C1QTNF1: variants seen among roughly 807,000 people sequenced by gnomAD.
C1QTNF1 encodes the protein C1q and TNF related 1, also known as complement C1q tumor necrosis factor-related protein 1.
Under a neutral mutation model 27.8 loss-of-function variants are expected in C1QTNF1, and 22 were observed. That is an observed-to-expected ratio of 0.79 (90% CI 0.56 to 1.13). C1QTNF1 has a LOEUF of 1.13. Among genes scored for constraint, C1QTNF1 ranks in the 50% most tolerant of loss-of-function variants. C1QTNF1 has a pLI of 0.00. For missense variants in C1QTNF1, 373 were observed against 380.2 expected (o/e 0.98, Z 0.16); for synonymous variants, 166 against 154.3 (o/e 1.08, Z -0.56).
rs1012355361 is a variant in C1QTNF1 at position 79,049,348 on chromosome 17, T to C, written c.*1260T>C. 2.6e-5 allele frequency: 4 copies of C among 152,330 alleles called. No homozygotes were observed. Among genetic ancestry groups the C allele is most frequent in the African/African-American group, 7.2e-5 (3 of 41,440 alleles). The allele number at this position is 152,330 out of a possible 1,614,324, so 9.4% of individuals were successfully genotyped here. On this transcript the variant is annotated 3_prime_UTR_variant, in exon 4 of 4. Coordinates refer to ENST00000579760, the MANE Select transcript of C1QTNF1 (RefSeq NM_030968.5). This position sits in a 1 kb window ranked among gnomAD's most constrained non-coding sequence, Gnocchi z 4.4. Reference sequence around the variant, plus strand: ...CAATCACCCGTGTCAGGATTCACTCTCAGGAGCTGGGTGGCAGGAGAGGCA... The same window carrying C: ...CAATCACCCGTGTCAGGATTCACTCCCAGGAGCTGGGTGGCAGGAGAGGCA...
rs996148078 is a variant in C1QTNF1 at position 79,046,813 on chromosome 17, G to A, written c.295+119G>A. 5.3e-6 allele frequency: 7 copies of A among 1,332,916 alleles called. No individual in the cohort carries two copies. The African/African-American group carries it at 7.3e-5, about 14-fold the overall frequency. 82.6% of individuals were successfully genotyped at this position (1,332,916 alleles called of 1,614,324 possible). On this transcript the variant is annotated intron_variant, in intron 3 of 3. Transcript: ENST00000579760. The surrounding 1 kb of genome is among the most constrained non-coding windows in gnomAD (Gnocchi z 4.8). ...AGCAGAATGGCTCCCTCGGGACAGGGAGCAGAGGCAGGCAGGCTGTCATCT... is the reference window on the plus strand; with the variant it reads ...AGCAGAATGGCTCCCTCGGGACAGGAAGCAGAGGCAGGCAGGCTGTCATCT...
upstream of C1QTNF1, among the ~76,000 whole-genome samples, chr17:79,023,417 C>A (rs1375381148): frequency 1.3e-5 from 2 of 152,202 alleles, no homozygotes; most frequent in African/African-American, 4.8e-5. Context: ...GGCTCTGGAG[C>A]AGCCTGGATC....
At chr17:79,036,353 T>A (rs1431205024) in intron 1 of C1QTNF1, among the ~76,000 whole-genome samples, 4 of 152,150 alleles carry the variant, frequency 2.6e-5, no homozygotes, top group African/African-American at 9.7e-5. Context: ...CTTTGCATTT[T>A]TTGTAGAGAT....
At chr17:79,039,474 G>A (rs1275902517) in intron 1 of C1QTNF1, among the ~76,000 whole-genome samples, 2 of 152,128 alleles carry the variant, frequency 1.3e-5, no homozygotes, top group Non-Finnish European at 2.9e-5. Context: ...CCAACATGGC[G>A]AAACCCTGTC....
intron 1 of C1QTNF1, among the ~76,000 whole-genome samples, chr17:79,042,995 T>A (rs1159306946): frequency 6.6e-6 from 1 of 151,880 alleles, no homozygotes; most frequent in Non-Finnish European, 1.5e-5. Context: ...CATGTGTGGA[T>A]TGCATGTATG....
chr17:79,025,845 C>T (rs2071938034), intron 1 of C1QTNF1: 1 of 408,458 alleles, frequency 2.4e-6, no homozygotes, highest in Non-Finnish European at 5.0e-6. Context: ...TGGAGAGGCC[C>T]CTAGAGTCCA....
intron 1 of C1QTNF1, among the ~76,000 whole-genome samples, chr17:79,028,424 CT>C (rs1337216667): frequency 6.6e-6 from 1 of 152,204 alleles, no homozygotes; most frequent in Admixed American, 6.5e-5. Flanking sequence ...GCAGGGCCCC[CT>C]GACTCTGCCC....
intron 1 of C1QTNF1, among the ~76,000 whole-genome samples, chr17:79,030,485 T>TTTTCTTTTTCTTTC (rs1555670013): frequency 4.9e-5 from 6 of 121,870 alleles, no homozygotes; most frequent in Admixed American, 8.1e-5. Flanking sequence ...CTTTCTTTCT[T>TTTTCTTTTTCTTTC]TTTCTTTCTT....
intron 1 of C1QTNF1, among the ~76,000 whole-genome samples, chr17:79,033,068 C>CAAAA (rs58305899): frequency 1.3e-5 from 1 of 79,322 alleles, no homozygotes; most frequent in African/African-American, 3.8e-5. Context: ...AACTCTGTCT[C>CAAAA]AAAAAAAAAA....
chr17:79,025,892 CA>C, intron 1 of C1QTNF1: 3 of 430,134 alleles, frequency 7.0e-6, no homozygotes, highest in Non-Finnish European at 1.4e-5. Context: ...TCACCATCAT[CA>C]TCATCATCAC....
intron 1 of C1QTNF1, among the ~76,000 whole-genome samples, chr17:79,041,090 G>A (rs1238088670): frequency 2.6e-5 from 4 of 152,192 alleles, no homozygotes; most frequent in Non-Finnish European, 5.9e-5. Flanking sequence ...ACTTAGATGT[G>A]TATTTTATAA....
chr17:79,023,693 T>TGC (rs143597397), upstream of C1QTNF1, among the ~76,000 whole-genome samples: 4,688 of 136,106 alleles, frequency 0.034, 108 homozygotes, highest in Middle Eastern at 0.056. Context: ...CCAAAGGTGA[T>TGC]GCGCGCGCGC....
intron 1 of C1QTNF1, 91 bp from the exon 2 acceptor site, chr17:79,043,864 C>G (rs922697159): frequency 6.9e-7 from 1 of 1,443,442 alleles, no homozygotes; most frequent in African/African-American, 1.4e-5. Flanking sequence ...CCTCCGATTT[C>G]CAGGCTGTTT....
At chr17:79,045,797 T>A (rs944876619) in intron 2 of C1QTNF1, among the ~76,000 whole-genome samples, 1 of 152,068 alleles carries the variant, frequency 6.6e-6, no homozygotes, top group African/African-American at 2.4e-5. Flanking sequence ...GAAGTCAAGG[T>A]CTGGGGCTTA....
chr17:79,043,282 G>A (rs1190145985), intron 1 of C1QTNF1: 1 of 450,744 alleles, frequency 2.2e-6, no homozygotes, highest in Admixed American at 2.4e-5. Flanking sequence ...TGTTGAGAGT[G>A]TGCATGTGAT....
In C1QTNF1 at chr17:79,044,100, G is replaced by T. The variant is rs375199144; in HGVS notation, c.132G>T (p.Pro44=). Residue 44 remains proline (P), a synonymous_variant, in exon 2 of 4, where the codon CCG becomes CCT. Coordinates refer to ENST00000579760, the MANE Select transcript of C1QTNF1 (RefSeq NM_030968.5). ...AGTGGGAGGGGACTGAGGAGCTGCC[G>T]TCGCCTCCGGACCATGCCGAGAGGT... ...QQEWEGTEEL[P]SPPDHAERAE... 2 of 1,613,036 alleles carry T rather than the reference G, an allele frequency of 1.2e-6. No homozygotes were observed. The highest frequency in any genetic ancestry group is 2.7e-5 in the African/African-American group (2 of 75,020).
chr17:79,028,923 C>T (rs550791918), intron 1 of C1QTNF1, among the ~76,000 whole-genome samples: 17 of 151,906 alleles, frequency 1.1e-4, no homozygotes, highest in South Asian at 6.2e-4. Flanking sequence ...CATGCACGCG[C>T]GGGTGTTCCT....
intron 1 of C1QTNF1, among the ~76,000 whole-genome samples, chr17:79,035,662 C>T (rs2072247746): frequency 6.6e-6 from 1 of 152,170 alleles, no homozygotes; most frequent in South Asian, 2.1e-4. Flanking sequence ...AGCTCTTGGC[C>T]TCAAGTGATC....
chr17:79,030,538 TTC>T (rs1475236527), intron 1 of C1QTNF1, among the ~76,000 whole-genome samples: 1 of 150,054 alleles, frequency 6.7e-6, no homozygotes, highest in East Asian at 2.0e-4. Flanking sequence ...TCTTCTTTCT[TTC>T]TTTTTCTTTC....
Sources: allele counts gnomAD v4.1 joint callset (sites outside exome capture counted in the v4.1 genomes callset), GRCh38; gene constraint gnomAD v4.1.1; non-coding constraint Gnocchi (gnomAD v3.1); transcripts MANE v1.5; gene names NCBI Gene and HGNC (gene_info 2026-07-23, HGNC 2026-07-21).